The following LINGO2 variants were observed in gnomAD, a reference collection of about 807,000 sequenced individuals.
The protein encoded by LINGO2 is leucine-rich repeat and immunoglobulin-like domain-containing nogo receptor-interacting protein 2.
A neutral mutation model predicts 30.6 loss-of-function variants in LINGO2; 14 were observed. That is an observed-to-expected ratio of 0.46 (90% confidence interval 0.30 to 0.72). The LOEUF (loss-of-function observed/expected upper bound fraction) is 0.72, where lower values mean the gene tolerates loss of function less well. LINGO2 is among the 30% of genes least tolerant of loss of function. LINGO2 has a pLI of 0.07. For missense variants in LINGO2, 729 were observed against 751.7 expected, an observed-to-expected ratio of 0.97 and a Z score of 0.35; for synonymous variants, 317 against 288.5, an observed-to-expected ratio of 1.10 and a Z score of -1.00.
intron 4 of LINGO2, among the ~76,000 whole-genome samples, chr9:28,232,164 C>T (rs1354093369): frequency 1.3e-5 from 2 of 151,942 alleles, no homozygotes; most frequent in Non-Finnish European, 2.9e-5. Flanking sequence ...TTTGGGAGGC[C>T]AAGGCGGGCA....
chr9:28,477,230 T>TA (rs139660607), intron 1 of LINGO2, among the ~76,000 whole-genome samples: 2,557 of 152,296 alleles, frequency 0.017, 76 homozygotes, highest in East Asian at 0.094. Context: ...TGGCAATAAT[T>TA]ACGTATTGTT....
the LINGO2 span, among the ~76,000 whole-genome samples, chr9:28,875,049 T>C: frequency 6.6e-6 from 1 of 152,112 alleles, no homozygotes; most frequent in East Asian, 1.9e-4. Context: ...ACTACTGATT[T>C]GACACAGCTT....
At chr9:28,420,194 A>G (rs1437627933) in intron 2 of LINGO2, among the ~76,000 whole-genome samples, 1 of 152,108 alleles carries the variant, frequency 6.6e-6, no homozygotes, top group African/African-American at 2.4e-5. Flanking sequence ...AAACGTAAAA[A>G]TAAATCTGCA....
intron 4 of LINGO2, among the ~76,000 whole-genome samples, chr9:28,014,045 T>C (rs576295100): frequency 1.3e-5 from 2 of 152,350 alleles, no homozygotes; most frequent in Admixed American, 1.3e-4. Context: ...CAAGCCCAGA[T>C]GTCAATCATT....
At chr9:28,959,680 C>G in the LINGO2 span, among the ~76,000 whole-genome samples, 1 of 150,470 alleles carries the variant, frequency 6.6e-6, no homozygotes, top group African/African-American at 2.5e-5. Flanking sequence ...AGCACTTAAT[C>G]TACCAGCCCA....
chr9:28,765,331 C>G, the LINGO2 span, among the ~76,000 whole-genome samples: 1 of 151,936 alleles, frequency 6.6e-6, no homozygotes, highest in Non-Finnish European at 1.5e-5. Flanking sequence ...GACTAGAGAG[C>G]CAAGAATAAA....
At chr9:28,849,596 T>C in the LINGO2 span, among the ~76,000 whole-genome samples, 1 of 152,010 alleles carries the variant, frequency 6.6e-6, no homozygotes, top group Non-Finnish European at 1.5e-5. Flanking sequence ...TGCTAAAAGT[T>C]GTCATTATTT....
the LINGO2 span, among the ~76,000 whole-genome samples, chr9:29,132,670 T>C: frequency 1.3e-5 from 2 of 152,194 alleles, no homozygotes; most frequent in South Asian, 2.1e-4. Flanking sequence ...CATTCTTTCG[T>C]TGCTTTGTTT....
At chr9:28,737,734 G>A in the LINGO2 span, among the ~76,000 whole-genome samples, 1 of 151,978 alleles carries the variant, frequency 6.6e-6, no homozygotes. Context: ...TTTTTATGGA[G>A]TCTGACAAAA....
intron 3 of LINGO2, among the ~76,000 whole-genome samples, chr9:28,296,620 A>G (rs781434632): frequency 6.6e-6 from 1 of 152,218 alleles, no homozygotes; most frequent in Non-Finnish European, 1.5e-5. Context: ...TTCAGCCACA[A>G]TGCTAAGATG....
intron 4 of LINGO2, among the ~76,000 whole-genome samples, chr9:28,075,797 T>C (rs762362038): frequency 2.6e-5 from 4 of 152,004 alleles, no homozygotes; most frequent in Non-Finnish European, 5.9e-5. Context: ...ATGTTACACA[T>C]ACTAATTCCT....
chr9:29,140,354 A>T, the LINGO2 span, among the ~76,000 whole-genome samples: 2 of 151,980 alleles, frequency 1.3e-5, no homozygotes, highest in African/African-American at 4.8e-5. Context: ...AAGAAATATT[A>T]AAAAGAACAA....
the LINGO2 span, among the ~76,000 whole-genome samples, chr9:29,053,160 T>A: frequency 6.6e-6 from 1 of 152,060 alleles, no homozygotes; most frequent in Non-Finnish European, 1.5e-5. Context: ...AAAGTACATA[T>A]GGAAATCTGC....
At chr9:28,275,275 G>A (rs1248885217) in intron 4 of LINGO2, among the ~76,000 whole-genome samples, 13 of 151,896 alleles carry the variant, frequency 8.6e-5, no homozygotes, top group Non-Finnish European at 1.5e-4. Context: ...GGGTTTTACC[G>A]TGTTAGCCAG....
At chr9:28,787,886 C>T in the LINGO2 span, among the ~76,000 whole-genome samples, 1 of 152,080 alleles carries the variant, frequency 6.6e-6, no homozygotes, top group Admixed American at 6.6e-5. Flanking sequence ...ATTCTTGATT[C>T]TTCAACACAT....
the LINGO2 span, among the ~76,000 whole-genome samples, chr9:28,833,241 C>T: frequency 6.6e-6 from 1 of 152,066 alleles, no homozygotes; most frequent in Non-Finnish European, 1.5e-5. Context: ...CATATATATA[C>T]CCCTCTTTTG....
At chr9:28,642,081 A>ATG (rs1166766118) in intron 1 of LINGO2, among the ~76,000 whole-genome samples, 2 of 135,446 alleles carry the variant, frequency 1.5e-5, no homozygotes, top group African/African-American at 5.7e-5. Flanking sequence ...GTGTGTGTGT[A>ATG]TGTGTGTGCA....
At chr9:28,406,300 G>T (rs1379862123) in intron 2 of LINGO2, among the ~76,000 whole-genome samples, 1 of 144,882 alleles carries the variant, frequency 6.9e-6, no homozygotes, top group Non-Finnish European at 1.5e-5. Flanking sequence ...GCTGGGCATG[G>T]TGGTGTACGC....
chr9:28,882,606 C>T, the LINGO2 span, among the ~76,000 whole-genome samples: 1 of 152,136 alleles, frequency 6.6e-6, no homozygotes, highest in African/African-American at 2.4e-5. Flanking sequence ...TAGCTATGCT[C>T]CTCTAAGATA....
Sources: allele counts gnomAD v4.1 joint callset (sites outside exome capture counted in the v4.1 genomes callset), GRCh38; gene constraint gnomAD v4.1.1; transcripts MANE v1.5; gene names NCBI Gene and HGNC (gene_info 2026-07-23, HGNC 2026-07-21).